Variants in DNMBP observed in about 807,000 individuals in gnomAD.
The protein encoded by DNMBP is dynamin-binding protein.
Under a neutral mutation model 150.0 loss-of-function variants are expected in DNMBP, and 87 were observed. That is an observed-to-expected ratio of 0.58 (90% CI 0.49 to 0.69). DNMBP has a LOEUF of 0.69. DNMBP is among the 30% of genes least tolerant of loss of function. The probability of loss-of-function intolerance (pLI) is 0.00; values close to 1 mark genes in which losing one functional copy is unlikely to be tolerated. For missense variants in DNMBP, 1,774 were observed against 1,949.0 expected (o/e 0.91, Z 1.69); for synonymous variants, 711 against 750.4 (o/e 0.95, Z 0.86).
chr10:99,898,595 T>G, intron 8 of DNMBP, 148 bp downstream of exon 8: 1 of 838,986 alleles, frequency 1.2e-6, no homozygotes, highest in Non-Finnish European at 2.0e-6. Flanking sequence ...AGTGTTCCCT[T>G]GGGGATAAGT....
At chr10:99,921,627 G>A (rs1273021857) in intron 4 of DNMBP, among the ~76,000 whole-genome samples, 18 of 135,858 alleles carry the variant, frequency 1.3e-4, no homozygotes, top group Non-Finnish European at 1.5e-4. Flanking sequence ...GCTGAGGCAG[G>A]TGGATCACTT....
At chr10:99,891,905 C>T (rs1387336215) in intron 11 of DNMBP, among the ~76,000 whole-genome samples, 10 of 149,682 alleles carry the variant, frequency 6.7e-5, no homozygotes, top group South Asian at 2.1e-4. Context: ...CCGCCCCGTC[C>T]GGGAGGGAGG....
intron 16 of DNMBP, 27 bp from the exon 17 acceptor site, chr10:99,877,363 G>A (rs761008992): frequency 6.3e-7 from 1 of 1,575,344 alleles, no homozygotes; most frequent in Admixed American, 1.8e-5. Context: ...GAGAAAATGG[G>A]AAATTGCTGG....
intron 4 of DNMBP, among the ~76,000 whole-genome samples, chr10:99,950,840 T>C (rs932364622): frequency 9.8e-5 from 15 of 152,306 alleles, no homozygotes; most frequent in African/African-American, 3.4e-4. Context: ...GACAATGTGA[T>C]AGAAAAGAAA....
Position 99,886,288 on chromosome 10 carries a change from T to TA in DNMBP, c.3618+11dup, listed in dbSNP as rs1564715938. 1 of 1,606,990 alleles carries TA rather than the reference T, an allele frequency of 6.2e-7. No individual in the cohort carries two copies. The stretch of plus-strand genomic sequence containing the variant: ...ATAGATGACCATCCCACTGAACAGG[T>TA]AAGAAACTCACCGAAAGCAGTGGCT... On this transcript the variant is annotated intron_variant, in intron 13 of 16. Transcript: ENST00000324109.
chr10:99,926,811 C>A (rs1004514987), intron 4 of DNMBP, among the ~76,000 whole-genome samples: 1 of 152,184 alleles, frequency 6.6e-6, no homozygotes, highest in Non-Finnish European at 1.5e-5. Flanking sequence ...AAGAGCCCAG[C>A]AGATAGATCT....
chr10:99,935,842 G>A lies in DNMBP; in HGVS notation c.2260+19372C>T, dbSNP rs565649381. Among the ~76,000 whole-genome samples the A allele has an allele frequency of 1.8e-3, 270 of 152,324 alleles. 2 individuals carry two copies. The highest frequency in any genetic ancestry group is 6.3e-3 in the African/African-American group (261 of 41,566). On this transcript the variant is annotated intron_variant, in intron 4 of 16. Coordinates refer to ENST00000324109, the MANE Select transcript of DNMBP (RefSeq NM_015221.4). ...GGCCTCCCGAAGTGCTGGGATTGCA[G>A]GCGTGAGCCACCGCACCTGGCCTAA...
rs1554857511 is a variant in DNMBP, at chr10:99,879,101, A to AC, written c.4548+709dup. ...CTCTGTCTCAAAAAAAAAAAAAAAAACCCAAAACGTTTGAGATACAAAGCC... is the reference window on the plus strand; with the variant it reads ...CTCTGTCTCAAAAAAAAAAAAAAAAACCCCAAAACGTTTGAGATACAAAGCC... On this transcript the variant is annotated intron_variant, in intron 16 of 16. Transcript: ENST00000324109. Among the ~76,000 whole-genome samples, 8 of 135,082 alleles carry AC rather than the reference A, an allele frequency of 5.9e-5. 1 individual carries two copies. Among genetic ancestry groups the AC allele is most frequent in the African/African-American group, 2.5e-4 (8 of 31,630 alleles). 88.6% of individuals were successfully genotyped at this position (135,082 alleles called of 152,430 possible).
chr10:99,908,158 T>C, intron 5 of DNMBP, 64 bp from the exon 6 acceptor site: 2 of 1,149,516 alleles, frequency 1.7e-6, no homozygotes, highest in Non-Finnish European at 2.6e-6. Flanking sequence ...TCAATCATCT[T>C]AGGAACAGCT....
chr10:99,911,937 G>A (rs1431867147), intron 4 of DNMBP, among the ~76,000 whole-genome samples: 1 of 152,174 alleles, frequency 6.6e-6, no homozygotes, highest in Non-Finnish European at 1.5e-5. Flanking sequence ...GTGCCAAGTT[G>A]AGAATAGAAA....
At chr10:99,930,577 T>C in intron 4 of DNMBP, 1 of 702,958 alleles carries the variant, frequency 1.4e-6, no homozygotes, top group South Asian at 1.5e-5. Flanking sequence ...CAATCCCTTT[T>C]TCTGTAGGGC....
rs2039631572 is a variant in DNMBP at position 99,895,047 on chromosome 10, T to TTATC, written c.3052-1_3054dup (p.Lys1019AspfsTer4). The TTATC allele has an allele frequency of 6.3e-7, 1 of 1,593,990 alleles. No individual in the cohort carries two copies. The highest frequency in any genetic ancestry group is 1.3e-5 in the African/African-American group (1 of 74,540). On this transcript the variant is annotated frameshift_variant, in exon 11 of 17. Coordinates refer to ENST00000324109, the MANE Select transcript of DNMBP (RefSeq NM_015221.4). LOFTEE classifies it high-confidence loss of function. ...TCTGTTTCTTCAAATACTTCATCTT[T>TTATC]TATCTGTTCAAAAATAAACAAGTGC...
chr10:99,968,158 C>T (rs2040638701), intron 3 of DNMBP, among the ~76,000 whole-genome samples: 1 of 152,152 alleles, frequency 6.6e-6, no homozygotes, highest in South Asian at 2.1e-4. Context: ...TGCATACCAC[C>T]ATGCCTGGCT....
chr10:99,894,803 C>T (rs878883115), intron 11 of DNMBP, 143 bp downstream of exon 11: 2 of 610,414 alleles, frequency 3.3e-6, no homozygotes, highest in Admixed American at 3.0e-5. Flanking sequence ...AACCTACTGG[C>T]ATCTCAACAA....
intron 1 of DNMBP, among the ~76,000 whole-genome samples, chr10:100,003,703 C>T (rs2041039720): frequency 1.3e-5 from 2 of 151,912 alleles, no homozygotes; most frequent in African/African-American, 4.8e-5. Context: ...AAAACAACAA[C>T]AACAACAACA....
intron 1 of DNMBP, among the ~76,000 whole-genome samples, chr10:99,991,045 CA>C (rs2040885231): frequency 6.6e-6 from 1 of 151,818 alleles, no homozygotes; most frequent in Admixed American, 6.6e-5. Flanking sequence ...TGACCATTAT[CA>C]CTATCAATTT....
Position 99,956,790 on chromosome 10 carries a change from G to C in DNMBP, c.684C>G (p.Thr228=). Reference sequence around the variant, plus strand: ...GCCCTATCTCTTCTTCTCCTACAGGGGTATCTACTTCACCATTAACAATGC... The same window carrying C: ...GCCCTATCTCTTCTTCTCCTACAGGCGTATCTACTTCACCATTAACAATGC... ...DDCIVNGEVD[T]PVGEEEIGPD... The change falls in exon 4 of 17, where the codon ACC becomes ACG. Residue 228 remains threonine, a synonymous_variant. Transcript: ENST00000324109. 1.9e-6 allele frequency: 3 copies of C among 1,613,958 alleles called. No homozygotes were observed. Among genetic ancestry groups the C allele is most frequent in the Non-Finnish European group, 2.5e-6 (3 of 1,179,992 alleles).
At chr10:99,953,697 G>A (rs548402224) in intron 4 of DNMBP, among the ~76,000 whole-genome samples, 144 of 151,918 alleles carry the variant, frequency 9.5e-4, no homozygotes, top group African/African-American at 3.2e-3. Flanking sequence ...GCATGCACCT[G>A]TAATCTCAGC....
intron 1 of DNMBP, among the ~76,000 whole-genome samples, chr10:99,986,593 T>TC (rs2040829610): frequency 3.4e-4 from 7 of 20,826 alleles, no homozygotes; most frequent in African/African-American, 4.5e-4. Context: ...AGACTCCGTC[T>TC]CAAAAAAAAA....
Sources: allele counts gnomAD v4.1 joint callset (sites outside exome capture counted in the v4.1 genomes callset), GRCh38; gene constraint gnomAD v4.1.1; transcripts MANE v1.5; gene names NCBI Gene and HGNC (gene_info 2026-07-23, HGNC 2026-07-21).